PTPRG: variants seen among roughly 807,000 people sequenced by gnomAD.
PTPRG encodes receptor-type tyrosine-protein phosphatase gamma.
A neutral mutation model predicts 165.3 loss-of-function variants in PTPRG; 102 were observed. The ratio of observed to expected loss-of-function variants is 0.62; its 90% CI spans 0.53 to 0.73. The LOEUF (loss-of-function observed/expected upper bound fraction) is 0.73. Among genes scored for constraint, PTPRG ranks in the 30% least tolerant of loss-of-function variants. PTPRG has a pLI of 0.00. For missense variants in PTPRG, 1,866 were observed against 1,861.4 expected, an observed-to-expected ratio of 1.00 and a Z score of -0.05; for synonymous variants, 675 against 669.5, an observed-to-expected ratio of 1.01 and a Z score of -0.13.
At chr3:62,121,031 G>GC (rs1401999192) in intron 5 of PTPRG, among the ~76,000 whole-genome samples, 5 of 151,430 alleles carry the variant, frequency 3.3e-5, no homozygotes, top group African/African-American at 1.2e-4. Context: ...TGCAAGCTGT[G>GC]CCCCCCGGGT....
Position 62,279,373 on chromosome 3 carries a change from C to T in PTPRG, c.3765+1694C>T, listed in dbSNP as rs766570222. On this transcript the variant is annotated intron_variant, in intron 26 of 29. Transcript: ENST00000474889. ...CAAGATGAACCATTTTTCTACCTTT[C>T]TTCTACCATAACTCAAATCCCTTTG... is the stretch of plus-strand genomic sequence containing the variant. Among the ~76,000 whole-genome samples the T allele has an allele frequency of 4.0e-4, 61 of 152,082 alleles. 1 individual carries two copies. Among genetic ancestry groups the T allele is most frequent in the Non-Finnish European group, 7.1e-4 (48 of 67,986 alleles).
intron 2 of PTPRG, among the ~76,000 whole-genome samples, chr3:61,807,981 A>G (rs1245822137): frequency 6.6e-6 from 1 of 152,218 alleles, no homozygotes; most frequent in Non-Finnish European, 1.5e-5. Context: ...GCTTCTGTTA[A>G]CGCCTGTTTA....
At chr3:61,988,743 C>G (rs1397815367) in intron 2 of PTPRG, among the ~76,000 whole-genome samples, 2 of 152,166 alleles carry the variant, frequency 1.3e-5, no homozygotes, top group African/African-American at 2.4e-5. Flanking sequence ...GCTACTCCCG[C>G]TTTGTTGTGT....
chr3:61,850,288 C>G (rs562319295), intron 2 of PTPRG, among the ~76,000 whole-genome samples: 4 of 152,104 alleles, frequency 2.6e-5, no homozygotes, highest in Non-Finnish European at 5.9e-5. Context: ...CTCAGCCTCC[C>G]GAGTAGCTGG....
chr3:61,843,371 CACACATACAT>C (rs1460547272), intron 2 of PTPRG, among the ~76,000 whole-genome samples: 1 of 152,068 alleles, frequency 6.6e-6, no homozygotes, highest in Non-Finnish European at 1.5e-5. Flanking sequence ...ATGTATATCA[CACACATACAT>C]ACACACGGAT....
rs1700026893 is a variant in PTPRG, at chr3:62,198,673, T to C, written c.1328-2832T>C. On this transcript the variant is annotated intron_variant, in intron 10 of 29. Coordinates refer to ENST00000474889, the MANE Select transcript of PTPRG (RefSeq NM_002841.4). ...ATTTGGGATATAATAATATATGTGCTTTTTAAAATTAAGGTATTAAATGAC... is the reference window on the plus strand; with the variant it reads ...ATTTGGGATATAATAATATATGTGCCTTTTAAAATTAAGGTATTAAATGAC... Among the ~76,000 whole-genome samples, 3 of 152,352 alleles carry C rather than the reference T, an allele frequency of 2.0e-5. 1 individual carries two copies. Among genetic ancestry groups the C allele is most frequent in the South Asian group, 4.1e-4 (2 of 4,828 alleles).
chr3:61,861,785 AG>A (rs1159636165), intron 2 of PTPRG, among the ~76,000 whole-genome samples: 1 of 152,192 alleles, frequency 6.6e-6, no homozygotes, highest in Non-Finnish European at 1.5e-5. Flanking sequence ...CTGCTACAGT[AG>A]GGCACTTAAT....
intron 1 of PTPRG, among the ~76,000 whole-genome samples, chr3:61,677,925 C>T (rs1354166095): frequency 6.6e-6 from 1 of 152,070 alleles, no homozygotes; most frequent in Non-Finnish European, 1.5e-5. Flanking sequence ...TTGTGTACAC[C>T]CCTTCCTCAT....
intron 5 of PTPRG, among the ~76,000 whole-genome samples, chr3:62,110,723 T>C (rs1012699421): frequency 6.6e-6 from 1 of 152,234 alleles, no homozygotes; most frequent in Non-Finnish European, 1.5e-5. Flanking sequence ...ATACAATCCG[T>C]TCACATTTCT....
At chr3:62,105,624 A>G (rs1203027354) in intron 5 of PTPRG, among the ~76,000 whole-genome samples, 1 of 152,198 alleles carries the variant, frequency 6.6e-6, no homozygotes, top group African/African-American at 2.4e-5. Context: ...GGCTGATGGA[A>G]TTGCCTCTGG....
chr3:62,238,620 A>G (rs527962940), intron 14 of PTPRG, among the ~76,000 whole-genome samples: 3 of 152,216 alleles, frequency 2.0e-5, no homozygotes, highest in South Asian at 2.1e-4. Flanking sequence ...AGTCTTCACA[A>G]TACACAGAGC....
intron 4 of PTPRG, among the ~76,000 whole-genome samples, chr3:62,061,425 C>G (rs528040158): frequency 1.3e-5 from 2 of 152,066 alleles, no homozygotes; most frequent in South Asian, 4.1e-4. Flanking sequence ...CTCCGGTAGA[C>G]TTTTGTCTTC....
intron 13 of PTPRG, among the ~76,000 whole-genome samples, chr3:62,231,016 T>TCC (rs1189294440): frequency 6.6e-6 from 1 of 152,188 alleles, no homozygotes; most frequent in African/African-American, 2.4e-5. Context: ...AGAGTAAAGT[T>TCC]CCCACTGGGT....
intron 4 of PTPRG, among the ~76,000 whole-genome samples, chr3:62,032,707 G>A (rs537012694): frequency 3.3e-5 from 5 of 152,312 alleles, no homozygotes; most frequent in Non-Finnish European, 7.4e-5. Context: ...CGCCTAACGT[G>A]ATTTAAATGA....
chr3:62,283,222 C>T (rs961036561), intron 28 of PTPRG, among the ~76,000 whole-genome samples: 1 of 151,968 alleles, frequency 6.6e-6, no homozygotes, highest in African/African-American at 2.4e-5. Context: ...TTTAAAAATC[C>T]TTACACTGAA....
At chr3:62,165,580 T>C (rs1704940500) in intron 7 of PTPRG, among the ~76,000 whole-genome samples, 1 of 138,354 alleles carries the variant, frequency 7.2e-6, no homozygotes, top group South Asian at 2.1e-4. Flanking sequence ...AGAGACACTA[T>C]GAGTTTTTAT....
At chr3:62,029,470 C>T (rs1699691791) in intron 4 of PTPRG, among the ~76,000 whole-genome samples, 1 of 152,220 alleles carries the variant, frequency 6.6e-6, no homozygotes, top group African/African-American at 2.4e-5. Flanking sequence ...CGCTAAAACA[C>T]TAGATATTAT....
intron 8 of PTPRG, among the ~76,000 whole-genome samples, chr3:62,187,349 A>G (rs59612704): frequency 0.11 from 16,828 of 152,300 alleles, 1,192 homozygotes; most frequent in East Asian, 0.39. Context: ...TACTGTCGCA[A>G]TCTGGGATCA....
intron 5 of PTPRG, among the ~76,000 whole-genome samples, chr3:62,117,605 A>G (rs1702912857): frequency 6.6e-6 from 1 of 152,178 alleles, no homozygotes; most frequent in Non-Finnish European, 1.5e-5. Flanking sequence ...CAGTCATTCC[A>G]CAAAGATATT....
Sources: allele counts gnomAD v4.1 joint callset (sites outside exome capture counted in the v4.1 genomes callset), GRCh38; gene constraint gnomAD v4.1.1; transcripts MANE v1.5; gene names NCBI Gene and HGNC (gene_info 2026-07-23, HGNC 2026-07-21).